Variants in TANC2 observed in about 807,000 individuals in gnomAD.
TANC2 encodes protein TANC2.
TANC2 carries 26 observed loss-of-function variants against 210.5 expected under a neutral mutation model. That is an observed-to-expected ratio of 0.12 (90% CI 0.09 to 0.17). The LOEUF is 0.17. Among genes scored for constraint, TANC2 ranks in the 10% least tolerant of loss-of-function variants. The pLI is 1.00. For missense variants in TANC2, 2,129 were observed against 2,608.9 expected (o/e 0.82, Z 4.01); for synonymous variants, 931 against 967.1 (o/e 0.96, Z 0.69).
chr17:63,277,610 A>T (rs1042586206), intron 9 of TANC2, among the ~76,000 whole-genome samples: 1 of 152,050 alleles, frequency 6.6e-6, no homozygotes, highest in Non-Finnish European at 1.5e-5. Flanking sequence ...AACAAGTTAC[A>T]GTTTATTACC....
chr17:63,335,586 C>T (rs981604333), intron 11 of TANC2, among the ~76,000 whole-genome samples: 1 of 150,874 alleles, frequency 6.6e-6, no homozygotes, highest in African/African-American at 2.4e-5. Context: ...GCACTCTAGC[C>T]CAGGCAACAG....
intron 7 of TANC2, among the ~76,000 whole-genome samples, chr17:63,230,957 G>T (rs1310037198): frequency 6.6e-6 from 1 of 152,080 alleles, no homozygotes; most frequent in Non-Finnish European, 1.5e-5. Flanking sequence ...CCTGTATTGG[G>T]TGCATATATA....
intron 9 of TANC2, among the ~76,000 whole-genome samples, chr17:63,274,938 C>G (rs1015081508): frequency 6.6e-6 from 1 of 152,148 alleles, no homozygotes; most frequent in African/African-American, 2.4e-5. Flanking sequence ...AAAGCTCTCT[C>G]ATTCCGCAGA....
chr17:63,038,582 G>GTC (rs1212631003), intron 2 of TANC2, among the ~76,000 whole-genome samples: 1 of 152,064 alleles, frequency 6.6e-6, no homozygotes, highest in African/African-American at 2.4e-5. Context: ...GGAAGAAATT[G>GTC]TAGAATTTGT....
chr17:63,025,766 A>G (rs1229187152), intron 2 of TANC2, among the ~76,000 whole-genome samples: 1 of 151,908 alleles, frequency 6.6e-6, no homozygotes, highest in Non-Finnish European at 1.5e-5. Flanking sequence ...ACTGCACTCC[A>G]GCCTGGGTGA....
intron 5 of TANC2, chr17:63,182,513 C>A (rs773941537): frequency 7.8e-6 from 2 of 256,698 alleles, no homozygotes; most frequent in Non-Finnish European, 1.6e-5. Flanking sequence ...TTTTATTCAA[C>A]TTCTATGAAA....
At chr17:63,236,376 GA>G (rs1179165676) in intron 7 of TANC2, among the ~76,000 whole-genome samples, 4 of 152,022 alleles carry the variant, frequency 2.6e-5, no homozygotes, top group Non-Finnish European at 5.9e-5. Context: ...TAAACTTCAT[GA>G]AAGAAGTGAA....
intron 4 of TANC2, among the ~76,000 whole-genome samples, chr17:63,120,510 A>C (rs963128472): frequency 6.6e-6 from 1 of 152,048 alleles, no homozygotes; most frequent in African/African-American, 2.4e-5. Flanking sequence ...TTACTTTCTG[A>C]AATTCTTTAA....
intron 1 of TANC2, among the ~76,000 whole-genome samples, chr17:62,982,400 T>C (rs2032350267): frequency 6.6e-6 from 1 of 152,182 alleles, no homozygotes; most frequent in Admixed American, 6.5e-5. Context: ...CAATACTATT[T>C]CTAATGTTAA....
intron 3 of TANC2, among the ~76,000 whole-genome samples, chr17:63,083,056 A>G (rs1322568039): frequency 1.3e-5 from 2 of 152,210 alleles, no homozygotes; most frequent in Non-Finnish European, 2.9e-5. Context: ...ATAGAACAGT[A>G]CCTCTGTTAT....
chr17:63,147,450 T>C (rs2039501950), intron 4 of TANC2, among the ~76,000 whole-genome samples: 1 of 152,214 alleles, frequency 6.6e-6, no homozygotes, highest in South Asian at 2.1e-4. Flanking sequence ...GCTTTTTTCT[T>C]AAGAAAATTT....
intron 8 of TANC2, among the ~76,000 whole-genome samples, chr17:63,251,241 C>G (rs563565798): frequency 6.6e-6 from 1 of 152,098 alleles, no homozygotes; most frequent in Non-Finnish European, 1.5e-5. Context: ...GAAGGAGAAC[C>G]AATTAATTCT....
chr17:63,050,449 T>C (rs1384353520), intron 2 of TANC2, among the ~76,000 whole-genome samples: 3 of 151,136 alleles, frequency 2.0e-5, no homozygotes, highest in Admixed American at 2.0e-4. Flanking sequence ...GTTAGAGATA[T>C]AAATTTGGGA....
At chr17:63,062,816 C>A (rs2036043059) in intron 2 of TANC2, among the ~76,000 whole-genome samples, 1 of 152,204 alleles carries the variant, frequency 6.6e-6, no homozygotes, top group Non-Finnish European at 1.5e-5. Context: ...TCATACAGAG[C>A]ACTTCTGTGA....
chr17:63,041,671 A>G (rs1190796261), intron 2 of TANC2, among the ~76,000 whole-genome samples: 1 of 152,160 alleles, frequency 6.6e-6, no homozygotes, highest in African/African-American at 2.4e-5. Context: ...GTATTCTGTA[A>G]TGAACTAGAA....
At chr17:63,408,954 G>A (rs1019254134) in intron 21 of TANC2, among the ~76,000 whole-genome samples, 6 of 152,158 alleles carry the variant, frequency 3.9e-5, no homozygotes, top group Non-Finnish European at 5.9e-5. Flanking sequence ...TACAGTCTGG[G>A]TCTTAAGAAC....
intron 3 of TANC2, among the ~76,000 whole-genome samples, chr17:63,098,485 C>T (rs935834821): frequency 2.7e-5 from 2 of 73,598 alleles, no homozygotes; most frequent in African/African-American, 1.0e-4. Context: ...CACACATACA[C>T]TCTCTCTCTC....
At chr17:63,342,518 A>G (rs2046266426) in intron 12 of TANC2, among the ~76,000 whole-genome samples, 1 of 152,030 alleles carries the variant, frequency 6.6e-6, no homozygotes, top group South Asian at 2.1e-4. Context: ...CAAGAAGACT[A>G]TCCATCCCAG....
intron 4 of TANC2, among the ~76,000 whole-genome samples, chr17:63,136,444 T>C (rs2039091567): frequency 6.6e-6 from 1 of 152,148 alleles, no homozygotes; most frequent in Non-Finnish European, 1.5e-5. Flanking sequence ...TCTAAATAGA[T>C]GAAGGACATG....
Sources: allele counts gnomAD v4.1 joint callset (sites outside exome capture counted in the v4.1 genomes callset), GRCh38; gene constraint gnomAD v4.1.1; transcripts MANE v1.5; gene names NCBI Gene and HGNC (gene_info 2026-07-23, HGNC 2026-07-21).